The following ST6GALNAC3 variants were observed in gnomAD, a reference collection of about 807,000 sequenced individuals.
ST6GALNAC3 encodes ST6 N-acetylgalactosaminide alpha-2,6-sialyltransferase 3.
Under a neutral mutation model 32.7 loss-of-function variants are expected in ST6GALNAC3, and 25 were observed. The observed-to-expected ratio is 0.76, with a 90% CI of 0.56 to 1.07. ST6GALNAC3 has a LOEUF of 1.07. Among genes scored for constraint, ST6GALNAC3 ranks in the 50% least tolerant of loss-of-function variants. The pLI is 0.00. For missense variants in ST6GALNAC3, 355 were observed against 382.4 expected, an observed-to-expected ratio of 0.93 and a Z score of 0.60; for synonymous variants, 129 against 133.1, an observed-to-expected ratio of 0.97 and a Z score of 0.21.
At chr1:76,395,550 AG>A (rs1422832285) in intron 2 of ST6GALNAC3, among the ~76,000 whole-genome samples, 6 of 152,120 alleles carry the variant, frequency 3.9e-5, no homozygotes, top group African/African-American at 1.4e-4. Flanking sequence ...AAGTGTCATC[AG>A]TGGCTGAATG....
chr1:76,623,629 A>G lies in ST6GALNAC3; in HGVS notation c.624-3823A>G, dbSNP rs563933084. ...CAGAGGATATCCTTTAAGAATTTTT[A>G]AGGCATTTGATAGTTATCACTTTAA... is the stretch of plus-strand genomic sequence containing the variant. On this transcript the variant is annotated intron_variant, in intron 3 of 4. Coordinates refer to ENST00000328299, the MANE Select transcript of ST6GALNAC3 (RefSeq NM_152996.4). Among the ~76,000 whole-genome samples, 4 of 152,106 alleles carry G rather than the reference A, an allele frequency of 2.6e-5. No homozygotes were observed. The South Asian group carries it at 6.2e-4, about 24-fold the overall frequency.
chr1:76,293,128 T>C (rs1319031349), intron 1 of ST6GALNAC3, among the ~76,000 whole-genome samples: 1 of 152,202 alleles, frequency 6.6e-6, no homozygotes, highest in Non-Finnish European at 1.5e-5. Flanking sequence ...TTTCCCCTCA[T>C]CTTTTATTGG....
intron 2 of ST6GALNAC3, among the ~76,000 whole-genome samples, chr1:76,397,494 C>T (rs538427487): frequency 1.3e-5 from 2 of 151,754 alleles, no homozygotes; most frequent in African/African-American, 4.8e-5. Flanking sequence ...CTCAGCCTCC[C>T]GAGTAACTGG....
chr1:76,399,891 T>G (rs1287437323), intron 2 of ST6GALNAC3, among the ~76,000 whole-genome samples: 1 of 152,200 alleles, frequency 6.6e-6, no homozygotes, highest in African/African-American at 2.4e-5. Context: ...AAATACAACA[T>G]ATTTGGATTC....
chr1:76,389,689 A>G (rs534045400), intron 2 of ST6GALNAC3, among the ~76,000 whole-genome samples: 2 of 152,344 alleles, frequency 1.3e-5, no homozygotes, highest in South Asian at 4.1e-4. Context: ...TTTTTAACTC[A>G]TCCTCTTTAA....
At chr1:76,346,972 AT>A (rs1262491498) in intron 2 of ST6GALNAC3, among the ~76,000 whole-genome samples, 1 of 152,130 alleles carries the variant, frequency 6.6e-6, no homozygotes, top group Admixed American at 6.6e-5. Context: ...ATACATTATT[AT>A]TTTCTGTTAA....
chr1:76,394,574 C>T (rs1352722255), intron 2 of ST6GALNAC3, among the ~76,000 whole-genome samples: 2 of 151,914 alleles, frequency 1.3e-5, no homozygotes, highest in South Asian at 4.2e-4. Flanking sequence ...AATATTTAGT[C>T]CCAGGTTTTG....
intron 1 of ST6GALNAC3, among the ~76,000 whole-genome samples, chr1:76,213,956 C>A (rs1487105444): frequency 2.6e-5 from 4 of 152,116 alleles, no homozygotes; most frequent in African/African-American, 7.2e-5. Context: ...ATGAATGGGC[C>A]ACCTGCATCT....
intron 2 of ST6GALNAC3, among the ~76,000 whole-genome samples, chr1:76,388,185 T>C (rs1231687443): frequency 6.6e-6 from 1 of 152,222 alleles, no homozygotes; most frequent in Admixed American, 6.5e-5. Context: ...TTACTCCCAC[T>C]TATTAATCCA....
At chr1:76,443,945 A>G (rs1656790814) in intron 3 of ST6GALNAC3, among the ~76,000 whole-genome samples, 1 of 152,220 alleles carries the variant, frequency 6.6e-6, no homozygotes, top group Non-Finnish European at 1.5e-5. Context: ...TGCAGAAAAT[A>G]GTGTTTCCAA....
intron 1 of ST6GALNAC3, among the ~76,000 whole-genome samples, chr1:76,090,753 ACT>A (rs564149747): frequency 8.1e-4 from 123 of 152,306 alleles, no homozygotes; most frequent in African/African-American, 2.8e-3. Context: ...GATGGGAAGT[ACT>A]TTATGGCTAA....
At chr1:76,236,103 C>T (rs1656641327) in intron 1 of ST6GALNAC3, among the ~76,000 whole-genome samples, 1 of 151,912 alleles carries the variant, frequency 6.6e-6, no homozygotes, top group Non-Finnish European at 1.5e-5. Context: ...AGCCACCATG[C>T]CTGGCTAATT....
At chr1:76,452,667 G>A (rs1035373626) in intron 3 of ST6GALNAC3, among the ~76,000 whole-genome samples, 2 of 152,108 alleles carry the variant, frequency 1.3e-5, no homozygotes, top group South Asian at 4.1e-4. Flanking sequence ...ATACACTGTT[G>A]GATTCAGTTA....
intron 2 of ST6GALNAC3, among the ~76,000 whole-genome samples, chr1:76,368,996 C>T (rs1434771897): frequency 1.3e-5 from 2 of 152,104 alleles, no homozygotes; most frequent in Admixed American, 6.5e-5. Context: ...GAAGTACTGC[C>T]AGCACAATGC....
At chr1:76,162,887 G>A (rs967022100) in intron 1 of ST6GALNAC3, among the ~76,000 whole-genome samples, 1 of 152,170 alleles carries the variant, frequency 6.6e-6, no homozygotes. Flanking sequence ...GGACAAAGAG[G>A]AGGTGACCAG....
intron 3 of ST6GALNAC3, among the ~76,000 whole-genome samples, chr1:76,515,533 T>G (rs1271064188): frequency 6.6e-6 from 1 of 152,186 alleles, no homozygotes; most frequent in African/African-American, 2.4e-5. Context: ...TCCTTATTTT[T>G]TGATGTAGGC....
chr1:76,347,028 T>A (rs1156354076), intron 2 of ST6GALNAC3, among the ~76,000 whole-genome samples: 1 of 152,126 alleles, frequency 6.6e-6, no homozygotes, highest in Non-Finnish European at 1.5e-5. Flanking sequence ...AAGAGCTTAC[T>A]GCATATCCTT....
intron 1 of ST6GALNAC3, among the ~76,000 whole-genome samples, chr1:76,260,419 A>C (rs1658160481): frequency 6.6e-6 from 1 of 152,224 alleles, no homozygotes; most frequent in Admixed American, 6.5e-5. Flanking sequence ...AGTTAAAGTA[A>C]TAGTCCCCAG....
intron 3 of ST6GALNAC3, among the ~76,000 whole-genome samples, chr1:76,549,729 G>C (rs1299645157): frequency 6.6e-6 from 1 of 152,104 alleles, no homozygotes; most frequent in Non-Finnish European, 1.5e-5. Context: ...TTTACAGGGG[G>C]AAGGAGGTAG....
Sources: allele counts gnomAD v4.1 joint callset (sites outside exome capture counted in the v4.1 genomes callset), GRCh38; gene constraint gnomAD v4.1.1; transcripts MANE v1.5; gene names NCBI Gene and HGNC (gene_info 2026-07-23, HGNC 2026-07-21).